SLC16A10: variants seen among roughly 807,000 people sequenced by gnomAD.
SLC16A10 encodes monocarboxylate transporter 10.
In SLC16A10, 27 loss-of-function variants were observed where a neutral mutation model predicts 40.0. The ratio of observed to expected loss-of-function variants is 0.67; its 90% CI spans 0.50 to 0.93. SLC16A10 has a LOEUF of 0.93. Ranked by LOEUF, SLC16A10 falls within the 40% of genes least tolerant of loss-of-function variation. The pLI, the probability that SLC16A10 is intolerant of heterozygous loss-of-function variation, is 0.00. For missense variants in SLC16A10, 529 were observed against 658.2 expected (o/e 0.80, Z 2.15); for synonymous variants, 213 against 249.8 (o/e 0.85, Z 1.39).
intron 1 of SLC16A10, among the ~76,000 whole-genome samples, chr6:111,096,522 G>A (rs975176361): frequency 3.3e-5 from 5 of 152,164 alleles, no homozygotes; most frequent in African/African-American, 1.2e-4. Context: ...ATCAGTGGCT[G>A]GAGGAATGGA....
intron 3 of SLC16A10, 197 bp downstream of exon 3, chr6:111,177,862 G>C: frequency 1.9e-6 from 1 of 533,004 alleles, no homozygotes. Flanking sequence ...ATGTTTCATA[G>C]TGTGCTTTGG....
At chr6:111,145,095 G>A (rs1388059074) in intron 1 of SLC16A10, among the ~76,000 whole-genome samples, 1 of 151,826 alleles carries the variant, frequency 6.6e-6, no homozygotes, top group Non-Finnish European at 1.5e-5. Context: ...GCCTCCCAAA[G>A]TGCTGAAATT....
intron 1 of SLC16A10, among the ~76,000 whole-genome samples, chr6:111,163,571 T>C (rs2114530680): frequency 6.6e-6 from 1 of 152,322 alleles, no homozygotes; most frequent in South Asian, 2.1e-4. Flanking sequence ...AGATTAAACA[T>C]TATTTTTATT....
chr6:111,176,151 T>C (rs1772680975), intron 2 of SLC16A10, among the ~76,000 whole-genome samples: 1 of 152,154 alleles, frequency 6.6e-6, no homozygotes, highest in Admixed American at 6.5e-5. Flanking sequence ...GAGCCTGATT[T>C]GAAGGTGGTG....
intron 1 of SLC16A10, among the ~76,000 whole-genome samples, chr6:111,167,621 GTTATTTAT>G (rs58079056): frequency 2.0e-5 from 3 of 149,596 alleles, no homozygotes; most frequent in Admixed American, 2.0e-4. Context: ...GGGCTCGATT[GTTATTTAT>G]TTATTTATTT....
At chr6:111,183,793 T>C (rs1467670026) in intron 3 of SLC16A10, among the ~76,000 whole-genome samples, 1 of 152,138 alleles carries the variant, frequency 6.6e-6, no homozygotes, top group Non-Finnish European at 1.5e-5. Context: ...ATAGAAGAAA[T>C]TTCTGGTCCC....
intron 2 of SLC16A10, among the ~76,000 whole-genome samples, chr6:111,173,899 C>T (rs73530959): frequency 0.012 from 1,822 of 152,242 alleles, 27 homozygotes; most frequent in African/African-American, 0.042. Context: ...CGCCCTCCCC[C>T]GGCACCATCC....
At chr6:111,107,486 G>A (rs1771304194) in intron 1 of SLC16A10, among the ~76,000 whole-genome samples, 1 of 152,124 alleles carries the variant, frequency 6.6e-6, no homozygotes, top group African/African-American at 2.4e-5. Context: ...CTTTAAGAAG[G>A]GACGAGATGA....
chr6:111,097,811 C>T (rs764569210), intron 1 of SLC16A10, among the ~76,000 whole-genome samples: 9 of 152,146 alleles, frequency 5.9e-5, no homozygotes, highest in Non-Finnish European at 1.2e-4. Flanking sequence ...GAATCACTCA[C>T]TAAGGAGTTT....
At chr6:111,112,371 A>C (rs921815046) in intron 1 of SLC16A10, among the ~76,000 whole-genome samples, 1 of 152,136 alleles carries the variant, frequency 6.6e-6, no homozygotes, top group African/African-American at 2.4e-5. Flanking sequence ...TAATTTTGGC[A>C]AGTGCTGTGC....
Position 111,177,197 on chromosome 6 carries a change from T to G in SLC16A10, c.489-15T>G. ...ATATTGAAAGCTGCTTTCCATCTTT[T>G]TCATCTTTATACAGTTCCATCGAGC... On this transcript the variant is annotated splice_polypyrimidine_tract_variant and intron_variant, in intron 2 of 5. Coordinates refer to ENST00000368851, the MANE Select transcript of SLC16A10 (RefSeq NM_018593.5). 7.0e-7 allele frequency: 1 copy of G among 1,424,078 alleles called. No homozygotes were observed. Among genetic ancestry groups the G allele is most frequent in the Non-Finnish European group, 9.3e-7 (1 of 1,080,376 alleles). 88.2% of individuals were successfully genotyped at this position (1,424,078 alleles called of 1,614,324 possible).
Position 111,108,658 on chromosome 6 carries a change from C to T in SLC16A10, c.343+20563C>T, listed in dbSNP as rs35141646. On this transcript the variant is annotated intron_variant, in intron 1 of 5. Transcript: ENST00000368851. ...GAAGTCCTAGCCCTGTGCTGTCTGC[C>T]TAGGTACAGTGTCTGAAACACAGAC... Among the ~76,000 whole-genome samples, 827 of 152,260 alleles carry T rather than the reference C, an allele frequency of 5.4e-3. 4 individuals carry two copies. Among genetic ancestry groups the T allele is most frequent in the Middle Eastern group, 0.027 (8 of 294 alleles).
intron 3 of SLC16A10, among the ~76,000 whole-genome samples, chr6:111,182,310 C>CTTTTT (rs372963281): frequency 9.6e-6 from 1 of 103,630 alleles, no homozygotes; most frequent in Non-Finnish European, 1.8e-5. Flanking sequence ...CTCTGGGTTT[C>CTTTTT]TTTTTTTTTT....
chr6:111,137,485 T>C (rs1201783921), intron 1 of SLC16A10, among the ~76,000 whole-genome samples: 1 of 152,248 alleles, frequency 6.6e-6, no homozygotes, highest in Non-Finnish European at 1.5e-5. Flanking sequence ...TTGTTAAGTT[T>C]GTCTCTTACA....
At chr6:111,131,327 G>A (rs1024866461) in intron 1 of SLC16A10, among the ~76,000 whole-genome samples, 1 of 152,208 alleles carries the variant, frequency 6.6e-6, no homozygotes, top group Non-Finnish European at 1.5e-5. Flanking sequence ...GAGCTGAATA[G>A]AGCTGTAACA....
At chr6:111,138,894 A>C (rs1447397177) in intron 1 of SLC16A10, among the ~76,000 whole-genome samples, 1 of 152,176 alleles carries the variant, frequency 6.6e-6, no homozygotes, top group African/African-American at 2.4e-5. Context: ...GAGAGGATGC[A>C]GTAGAGTTAC....
chr6:111,196,002 A>G (rs993544694), intron 3 of SLC16A10, among the ~76,000 whole-genome samples: 1 of 152,158 alleles, frequency 6.6e-6, no homozygotes, highest in Non-Finnish European at 1.5e-5. Context: ...TTGGGGGAAA[A>G]AAAAACAATA....
intron 1 of SLC16A10, among the ~76,000 whole-genome samples, chr6:111,162,419 A>T (rs1357085001): frequency 6.6e-6 from 1 of 152,150 alleles, no homozygotes; most frequent in Non-Finnish European, 1.5e-5. Flanking sequence ...GACATTCTTT[A>T]TTCACCACAG....
chr6:111,156,317 T>C (rs1339189555), intron 1 of SLC16A10, among the ~76,000 whole-genome samples: 1 of 152,202 alleles, frequency 6.6e-6, no homozygotes, highest in Non-Finnish European at 1.5e-5. Flanking sequence ...AGTGACTTCC[T>C]TCCAGGAGTG....
Sources: gnomAD v4.1 joint callset for allele counts (sites outside exome capture counted in the v4.1 genomes callset) on GRCh38, gnomAD v4.1.1 for gene constraint, MANE v1.5 for transcripts, NCBI Gene and HGNC (gene_info 2026-07-23, HGNC 2026-07-21) for gene names.